Variants in MNAT1 observed in about 807,000 individuals in gnomAD.
MNAT1 encodes MNAT1 component of CDK activating kinase, also known as CDK-activating kinase assembly factor MAT1.
MNAT1 carries 43 observed loss-of-function variants against 42.0 expected under a neutral mutation model. The ratio of observed to expected loss-of-function variants is 1.02; its 90% confidence interval spans 0.80 to 1.32. MNAT1 has a LOEUF of 1.32. Ranked by LOEUF, MNAT1 falls within the 40% of genes most tolerant of loss-of-function variation. MNAT1 has a pLI of 0.00. For synonymous variants in MNAT1, 118 were observed against 120.0 expected (o/e 0.98, Z 0.11); for missense variants, 306 against 350.4 (o/e 0.87, Z 1.01).
At chr14:60,914,084 A>T (rs182359040) in intron 7 of MNAT1, among the ~76,000 whole-genome samples, 399 of 152,316 alleles carry the variant, frequency 2.6e-3, no homozygotes, top group African/African-American at 9.2e-3. Context: ...CTGCTGTGCT[A>T]GCAATGAGCT....
At chr14:60,966,428 C>T (rs2036684782) in intron 7 of MNAT1, among the ~76,000 whole-genome samples, 1 of 152,084 alleles carries the variant, frequency 6.6e-6, no homozygotes, top group South Asian at 2.1e-4. Flanking sequence ...ACAACAATGA[C>T]TAATTAATAA....
rs1303530242 is a variant in MNAT1 at position 60,849,280 on chromosome 14, AC to A, written c.688-30433del. Among the ~76,000 whole-genome samples, 3 of 152,200 alleles carry A rather than the reference AC, an allele frequency of 2.0e-5. No individual in the cohort carries two copies. The East Asian group carries it at 5.8e-4, about 29-fold the overall frequency. On this transcript the variant is annotated intron_variant, in intron 6 of 7. Coordinates refer to ENST00000261245, the MANE Select transcript of MNAT1 (RefSeq NM_002431.4). ...TGTAATTTTTTCATTTCTGGGGCTT[AC>A]TTTTCCGTAAGATACAAAACGTTCC...
At chr14:60,904,917 A>G (rs893701668) in intron 7 of MNAT1, among the ~76,000 whole-genome samples, 1 of 149,642 alleles carries the variant, frequency 6.7e-6, no homozygotes, top group African/African-American at 2.5e-5. Context: ...CCATTGGGAA[A>G]TGAAACCTCA....
chr14:60,772,012 G>GGA (rs1191786605), intron 1 of MNAT1, among the ~76,000 whole-genome samples: 1 of 152,142 alleles, frequency 6.6e-6, no homozygotes, highest in Non-Finnish European at 1.5e-5. Context: ...CAGTTGTACT[G>GGA]GAAGGTTTCA....
At chr14:60,820,548 T>C (rs919210798) in intron 6 of MNAT1, among the ~76,000 whole-genome samples, 7 of 151,862 alleles carry the variant, frequency 4.6e-5, no homozygotes, top group African/African-American at 1.7e-4. Context: ...TTTTTTTTTT[T>C]TTTCAGTTGC....
intron 1 of MNAT1, among the ~76,000 whole-genome samples, chr14:60,742,399 GTTATTA>G (rs763107919): frequency 6.6e-6 from 1 of 151,742 alleles, no homozygotes; most frequent in Non-Finnish European, 1.5e-5. Context: ...ACTCCTCATT[GTTATTA>G]TTATTATTAG....
intron 7 of MNAT1, among the ~76,000 whole-genome samples, chr14:60,883,404 T>C (rs141049290): frequency 6.6e-6 from 1 of 152,274 alleles, no homozygotes; most frequent in East Asian, 1.9e-4. Flanking sequence ...TGGATTTGTT[T>C]TGAGATTCTC....
intron 6 of MNAT1, among the ~76,000 whole-genome samples, chr14:60,834,559 AG>A (rs2139389570): frequency 6.6e-6 from 1 of 152,260 alleles, no homozygotes; most frequent in Non-Finnish European, 1.5e-5. Context: ...GCATTTGCTG[AG>A]GAGTGTTTAA....
intron 7 of MNAT1, among the ~76,000 whole-genome samples, chr14:60,938,634 C>T (rs1053247932): frequency 6.6e-6 from 1 of 152,092 alleles, no homozygotes; most frequent in Non-Finnish European, 1.5e-5. Context: ...TTTGGTTTGC[C>T]AGTATTTTTT....
chr14:60,901,633 A>G (rs938340042), intron 7 of MNAT1, among the ~76,000 whole-genome samples: 2 of 152,242 alleles, frequency 1.3e-5, no homozygotes, highest in African/African-American at 4.8e-5. Flanking sequence ...TCAGAATATC[A>G]GCATTATCAG....
rs762244463 is a variant in MNAT1 at position 60,878,600 on chromosome 14, G to A, written c.688-1114G>A. ...ACTTTCTCATAATAATAAGCAGATG[G>A]TATTGTATTTTGGCCCTCCAGAAAC... On this transcript the variant is annotated intron_variant, in intron 6 of 7. Transcript: ENST00000261245. 7.2e-5 allele frequency among the ~76,000 whole-genome samples: 11 copies of A among 152,060 alleles called. No homozygotes were observed. In the East Asian group the frequency reaches 2.1e-3, roughly 29 times the overall value.
At chr14:60,963,964 C>T (rs774454426) in intron 7 of MNAT1, among the ~76,000 whole-genome samples, 4 of 152,128 alleles carry the variant, frequency 2.6e-5, no homozygotes, top group African/African-American at 9.7e-5. Context: ...TGCCCTCTGC[C>T]CCTAGCTGAG....
At chr14:60,810,236 C>G (rs1470982826) in intron 4 of MNAT1, among the ~76,000 whole-genome samples, 2 of 152,054 alleles carry the variant, frequency 1.3e-5, no homozygotes, top group Non-Finnish European at 2.9e-5. Flanking sequence ...AGTCTTCTCT[C>G]TCTTTCATAG....
chr14:60,797,236 T>A (rs1235630350), intron 2 of MNAT1, among the ~76,000 whole-genome samples: 1 of 152,194 alleles, frequency 6.6e-6, no homozygotes, highest in African/African-American at 2.4e-5. Context: ...GGCTCTTTTA[T>A]TGTTTGTATA....
intron 6 of MNAT1, among the ~76,000 whole-genome samples, chr14:60,871,338 A>G (rs2034319374): frequency 6.6e-6 from 1 of 152,204 alleles, no homozygotes; most frequent in Admixed American, 6.5e-5. Context: ...AAGTAAATTT[A>G]CTTGTCACTT....
intron 7 of MNAT1, among the ~76,000 whole-genome samples, chr14:60,945,209 TC>T (rs1158245721): frequency 6.6e-6 from 1 of 152,178 alleles, no homozygotes; most frequent in Non-Finnish European, 1.5e-5. Context: ...TCCTATTGTG[TC>T]CCAAAATGTT....
chr14:60,739,150 G>A (rs1896392679), intron 1 of MNAT1, among the ~76,000 whole-genome samples: 2 of 152,116 alleles, frequency 1.3e-5, no homozygotes. Context: ...CAGAACTAGT[G>A]ATATGAGCGG....
intron 1 of MNAT1, among the ~76,000 whole-genome samples, chr14:60,767,123 A>G (rs192860730): frequency 6.6e-6 from 1 of 152,350 alleles, no homozygotes; most frequent in Admixed American, 6.5e-5. Context: ...AATGGTTTCC[A>G]TATGCTTCTT....
At chr14:60,747,160 AT>A (rs1273758944) in intron 1 of MNAT1, among the ~76,000 whole-genome samples, 52 of 150,800 alleles carry the variant, frequency 3.4e-4, no homozygotes, top group Admixed American at 9.3e-4. Flanking sequence ...AATTTTTTGT[AT>A]TTTTAGTAGA....
Sources: allele counts gnomAD v4.1 joint callset (sites outside exome capture counted in the v4.1 genomes callset), GRCh38; gene constraint gnomAD v4.1.1; transcripts MANE v1.5; gene names NCBI Gene and HGNC (gene_info 2026-07-23, HGNC 2026-07-21).